The following GNAO1 variants were observed in gnomAD, a reference collection of about 807,000 sequenced individuals.
The protein encoded by GNAO1 is G protein subunit alpha o1.
For synonymous variants in GNAO1, 164 were observed against 180.7 expected (o/e 0.91, Z 0.74); for missense variants, 166 against 478.7 (o/e 0.35, Z 6.10).
rs1188668766 is a variant in GNAO1 at position 56,356,263 on chromosome 16, T to G, written c.*189T>G. 1 of 152,664 alleles carries G rather than the reference T, an allele frequency of 6.6e-6. No individual in the cohort carries two copies. Among genetic ancestry groups the G allele is most frequent in the Non-Finnish European group, 1.5e-5 (1 of 68,048 alleles). 9.5% of individuals were successfully genotyped at this position (152,664 alleles called of 1,614,324 possible). ...TCTGTAGAATGCTGTAGAATCCGGT[T>G]TTAGTTGAGTCTTCACATTTAGAAT... is the stretch of plus-strand genomic sequence containing the variant. On this transcript the variant is annotated 3_prime_UTR_variant, in exon 9 of 9. Transcript: ENST00000262493.
intron 2 of GNAO1, among the ~76,000 whole-genome samples, chr16:56,196,767 G>A (rs1353667002): frequency 1.3e-5 from 2 of 152,142 alleles, no homozygotes; most frequent in Non-Finnish European, 2.9e-5. Context: ...CAATAAAATC[G>A]AGCACTTTGG....
intron 2 of GNAO1, among the ~76,000 whole-genome samples, chr16:56,225,705 T>A (rs1304163491): frequency 6.6e-6 from 1 of 152,166 alleles, no homozygotes; most frequent in Non-Finnish European, 1.5e-5. Flanking sequence ...TAAGCATTTA[T>A]TGAGTGTCTT....
At chr16:56,281,255 A>G (rs1043135998) in intron 3 of GNAO1, among the ~76,000 whole-genome samples, 1 of 152,158 alleles carries the variant, frequency 6.6e-6, no homozygotes, top group African/African-American at 2.4e-5. Flanking sequence ...CAAATCATTC[A>G]AAGAATCCCA....
intron 2 of GNAO1, among the ~76,000 whole-genome samples, chr16:56,229,310 TTCTCGTG>T: frequency 6.6e-6 from 1 of 152,338 alleles, no homozygotes; most frequent in East Asian, 1.9e-4. Flanking sequence ...GTTCAAGTAA[TTCTCGTG>T]CCTCAGCCTC....
In GNAO1 at chr16:56,351,642, C is replaced by T. The variant is rs113978583; in HGVS notation, c.877+105C>T. On this transcript the variant is annotated intron_variant, in intron 7 of 8. Coordinates refer to ENST00000262493, the MANE Select transcript of GNAO1 (RefSeq NM_020988.3). The surrounding 1 kb of genome is among the most constrained non-coding windows in gnomAD (Gnocchi z 6.1). Reference sequence around the variant, plus strand: ...AGCACTGCTGGGGCTAGCTGGCGAGCGGGACCCATTGCAGGAGACTGGTGG... The same window carrying T: ...AGCACTGCTGGGGCTAGCTGGCGAGTGGGACCCATTGCAGGAGACTGGTGG... 168 of 878,924 alleles carry T rather than the reference C, an allele frequency of 1.9e-4. 2 individuals carry two copies. In the African/African-American group the frequency reaches 2.1e-3, roughly 11 times the overall value. 54.4% of individuals were successfully genotyped at this position (878,924 alleles called of 1,614,324 possible). A position where few individuals can be genotyped will look rare whatever the true frequency, so the allele number is the denominator to read the frequency against.
At position 56,354,277 on chromosome 16, in the gene GNAO1, G is replaced by A. The variant is rs1382319021; in HGVS notation, c.878-589G>A. ...CAGGCGGGGCTTCCGGGTGGATCTGGTGTGAAAACAGTAAGAGATCTTGCA... is the reference window on the plus strand; with the variant it reads ...CAGGCGGGGCTTCCGGGTGGATCTGATGTGAAAACAGTAAGAGATCTTGCA... On this transcript the variant is annotated intron_variant, in intron 7 of 8. Transcript: ENST00000262493. The surrounding 1 kb of genome is among the most constrained non-coding windows in gnomAD (Gnocchi z 4.3). 6.6e-6 allele frequency among the ~76,000 whole-genome samples: 1 copy of A among 152,262 alleles called. No homozygotes were observed. The highest frequency in any genetic ancestry group is 1.5e-5 in the Non-Finnish European group (1 of 68,048).
intron 2 of GNAO1, among the ~76,000 whole-genome samples, chr16:56,260,635 C>T (rs1228262646): frequency 2.6e-5 from 4 of 152,202 alleles, no homozygotes; most frequent in Non-Finnish European, 4.4e-5. Flanking sequence ...CCAGAACACA[C>T]TGCCCCACCC....
chr16:56,351,391 T>C lies in GNAO1; in HGVS notation c.731T>C (p.Met244Thr). 1 of 1,611,854 alleles carries C rather than the reference T, an allele frequency of 6.2e-7. No individual in the cohort carries two copies. The highest frequency in any genetic ancestry group is 8.5e-7 in the Non-Finnish European group (1 of 1,177,986). ...CCCTTCCTGCGGCCGCAGAACCGCA[T>C]GCACGAGTCTCTCATGCTCTTCGAC... ...VLHEDETTNR[M>T]HESLMLFDSI... is the part of the protein sequence containing the mutation. Residue 244 changes from methionine to threonine, a missense_variant, in exon 7 of 9, where the codon ATG becomes ACG. Coordinates refer to ENST00000262493, the MANE Select transcript of GNAO1 (RefSeq NM_020988.3). The surrounding 1 kb of genome is among the most constrained non-coding windows in gnomAD (Gnocchi z 6.1).
chr16:56,319,617 G>T (rs1413779875), intron 3 of GNAO1, among the ~76,000 whole-genome samples: 1 of 152,142 alleles, frequency 6.6e-6, no homozygotes, highest in East Asian at 1.9e-4. Context: ...CAGCACACTC[G>T]TGACCAGCCG....
At chr16:56,214,988 T>G (rs2036425541) in intron 2 of GNAO1, among the ~76,000 whole-genome samples, 1 of 152,198 alleles carries the variant, frequency 6.6e-6, no homozygotes, top group East Asian at 1.9e-4. Context: ...TTGGCTTGGC[T>G]TGGAGGACAT....
intron 2 of GNAO1, among the ~76,000 whole-genome samples, chr16:56,229,535 A>AG (rs1422633720): frequency 6.6e-6 from 1 of 152,112 alleles, no homozygotes; most frequent in Non-Finnish European, 1.5e-5. Flanking sequence ...CCATGTGAAA[A>AG]CAAGTACTGG....
intron 2 of GNAO1, among the ~76,000 whole-genome samples, chr16:56,221,040 C>T (rs2036480965): frequency 6.6e-6 from 1 of 152,056 alleles, no homozygotes; most frequent in Admixed American, 6.5e-5. Flanking sequence ...GCCACTGCAC[C>T]CAGCCTTGGA....
In GNAO1 at chr16:56,192,813, C is replaced by T. The variant is rs56271220; in HGVS notation, c.161+197C>T. On this transcript the variant is annotated intron_variant, in intron 2 of 8. Transcript: ENST00000262493. ...GGTTCTGGGTCCTCCACCCTAACTCCTGGGTGGGTGTTTTTTGGGAGGGGG... is the reference window on the plus strand; with the variant it reads ...GGTTCTGGGTCCTCCACCCTAACTCTTGGGTGGGTGTTTTTTGGGAGGGGG... 1,477 of 575,184 alleles carry T rather than the reference C, an allele frequency of 2.6e-3. 7 individuals carry two copies. The highest frequency in any genetic ancestry group is 3.6e-3 in the Non-Finnish European group (1,144 of 321,660). 35.6% of individuals were successfully genotyped at this position (575,184 alleles called of 1,614,324 possible). A position where few individuals can be genotyped will look rare whatever the true frequency, so the allele number is the denominator to read the frequency against.
At chr16:56,338,978 G>C (rs1466496682) in intron 6 of GNAO1, among the ~76,000 whole-genome samples, 1 of 152,230 alleles carries the variant, frequency 6.6e-6, no homozygotes, top group Non-Finnish European at 1.5e-5. Flanking sequence ...AAAGCAAATG[G>C]AGCCAAGGTC....
chr16:56,219,603 T>A (rs1245665144), intron 2 of GNAO1, among the ~76,000 whole-genome samples: 1 of 152,120 alleles, frequency 6.6e-6, no homozygotes. Flanking sequence ...AAAAAGAGAC[T>A]AATGCACAGA....
intron 2 of GNAO1, among the ~76,000 whole-genome samples, chr16:56,207,913 A>T (rs1308837862): frequency 6.6e-6 from 1 of 152,226 alleles, no homozygotes; most frequent in Non-Finnish European, 1.5e-5. Flanking sequence ...ACTAGGTAAA[A>T]AAGTAGGACA....
At chr16:56,305,575 G>A (rs975067911) in intron 3 of GNAO1, among the ~76,000 whole-genome samples, 1 of 152,158 alleles carries the variant, frequency 6.6e-6, no homozygotes, top group African/African-American at 2.4e-5. Context: ...TGGGCGGAGG[G>A]CAGTGGGTGA....
intron 2 of GNAO1, among the ~76,000 whole-genome samples, chr16:56,215,319 C>T (rs751451686): frequency 1.3e-5 from 2 of 152,184 alleles, no homozygotes; most frequent in African/African-American, 2.4e-5. Context: ...ATCTGAGTTT[C>T]GTAGACACAC....
At chr16:56,220,949 T>C (rs894925754) in intron 2 of GNAO1, among the ~76,000 whole-genome samples, 6 of 152,006 alleles carry the variant, frequency 3.9e-5, no homozygotes, top group African/African-American at 1.5e-4. Context: ...GGTTTCACCA[T>C]CTTGGCCAGG....
Sources: gnomAD v4.1 joint callset for allele counts (sites outside exome capture counted in the v4.1 genomes callset) on GRCh38, gnomAD v4.1.1 for gene constraint, Gnocchi (gnomAD v3.1) non-coding constraint, MANE v1.5 for transcripts, NCBI Gene and HGNC (gene_info 2026-07-23, HGNC 2026-07-21) for gene names.